The following CDH13 variants were observed in gnomAD, a reference collection of about 807,000 sequenced individuals.
CDH13 encodes cadherin 13.
Under a neutral mutation model 63.8 loss-of-function variants are expected in CDH13, and 24 were observed. That is an observed-to-expected ratio of 0.38 (90% CI 0.27 to 0.53). CDH13 has a LOEUF of 0.53. Among genes scored for constraint, CDH13 ranks in the 20% least tolerant of loss-of-function variants. CDH13 has a pLI of 0.85. For missense variants in CDH13, 1,049 were observed against 903.1 expected (o/e 1.16, Z -2.07); for synonymous variants, 503 against 355.3 (o/e 1.42, Z -4.67).
chr16:83,122,837 G>T (rs1480774819), intron 3 of CDH13, among the ~76,000 whole-genome samples: 4 of 152,242 alleles, frequency 2.6e-5, no homozygotes, highest in African/African-American at 9.6e-5. Flanking sequence ...TGCACACACT[G>T]TGTAGTGGGA....
intron 6 of CDH13, among the ~76,000 whole-genome samples, chr16:83,388,446 GTC>G (rs2091721433): frequency 1.3e-5 from 2 of 152,032 alleles, no homozygotes; most frequent in South Asian, 4.2e-4. Flanking sequence ...GTAAGATCCT[GTC>G]TCAAAAAAAT....
At chr16:82,852,583 A>G (rs2151155748) in intron 1 of CDH13, among the ~76,000 whole-genome samples, 1 of 152,342 alleles carries the variant, frequency 6.6e-6, no homozygotes, top group East Asian at 1.9e-4. Flanking sequence ...ATGGAGCAGC[A>G]GCACCATGTC....
intron 2 of CDH13, among the ~76,000 whole-genome samples, chr16:82,973,783 C>T (rs1462440978): frequency 2.0e-5 from 3 of 152,166 alleles, no homozygotes; most frequent in African/African-American, 4.8e-5. Context: ...CAACAAGGTG[C>T]ACAAATATGT....
At chr16:82,768,812 T>TA (rs745657807) in intron 1 of CDH13, among the ~76,000 whole-genome samples, 195 of 152,316 alleles carry the variant, frequency 1.3e-3, no homozygotes, top group Non-Finnish European at 2.0e-3. Flanking sequence ...GGTTAATACT[T>TA]ACTCTGATTC....
At chr16:83,178,552 A>C (rs111406256) in intron 4 of CDH13, among the ~76,000 whole-genome samples, 1,990 of 152,342 alleles carry the variant, frequency 0.013, 35 homozygotes, top group African/African-American at 0.044. Context: ...TATTTGGATC[A>C]GTGGGCCATT....
intron 5 of CDH13, among the ~76,000 whole-genome samples, chr16:83,243,841 G>C (rs1290671041): frequency 6.6e-6 from 1 of 152,122 alleles, no homozygotes; most frequent in African/African-American, 2.4e-5. Context: ...TTACTGGAAT[G>C]GGCAACCTAT....
intron 1 of CDH13, among the ~76,000 whole-genome samples, chr16:82,658,207 T>A (rs547486982): frequency 1.0e-3 from 158 of 152,354 alleles, no homozygotes; most frequent in African/African-American, 3.7e-3. Flanking sequence ...CTGGTCATCA[T>A]CCCAGGCTTA....
chr16:82,802,008 C>T (rs760668799), intron 1 of CDH13, among the ~76,000 whole-genome samples: 30 of 152,118 alleles, frequency 2.0e-4, no homozygotes, highest in Non-Finnish European at 4.1e-4. Context: ...CCTCCATGGG[C>T]GGGTGGGGCT....
intron 1 of CDH13, among the ~76,000 whole-genome samples, chr16:82,854,877 A>G (rs114109858): frequency 6.6e-6 from 1 of 152,184 alleles, no homozygotes; most frequent in East Asian, 1.9e-4. Context: ...TTTAACAATT[A>G]TTGACTCCTT....
At chr16:82,746,189 G>C (rs373599216) in intron 1 of CDH13, among the ~76,000 whole-genome samples, 2 of 112,058 alleles carry the variant, frequency 1.8e-5, no homozygotes, top group Admixed American at 8.2e-5. Context: ...TGCATGGTGT[G>C]TGTGTGTTTA....
chr16:83,520,323 G>T (rs1425651008), intron 7 of CDH13, among the ~76,000 whole-genome samples: 1 of 152,142 alleles, frequency 6.6e-6, no homozygotes, highest in Non-Finnish European at 1.5e-5. Context: ...AAAACAAAAA[G>T]GATTTATGGT....
At chr16:83,170,370 G>A (rs1161273704) in intron 4 of CDH13, among the ~76,000 whole-genome samples, 1 of 152,112 alleles carries the variant, frequency 6.6e-6, no homozygotes, top group Non-Finnish European at 1.5e-5. Flanking sequence ...AGATCAGGGT[G>A]TTTAGGAGTG....
chr16:82,975,320 C>G (rs1328658141), intron 2 of CDH13, among the ~76,000 whole-genome samples: 1 of 152,152 alleles, frequency 6.6e-6, no homozygotes, highest in African/African-American at 2.4e-5. Flanking sequence ...TGTGAGGACA[C>G]AGGGCTGTGT....
intron 1 of CDH13, among the ~76,000 whole-genome samples, chr16:82,663,440 C>T (rs35859010): frequency 0.21 from 31,713 of 152,012 alleles, 3,778 homozygotes; most frequent in East Asian, 0.35. Flanking sequence ...ACGCCTCGGC[C>T]TCCCAAAATG....
chr16:83,151,735 C>T (rs114670571), intron 4 of CDH13, among the ~76,000 whole-genome samples: 2 of 152,154 alleles, frequency 1.3e-5, no homozygotes, highest in African/African-American at 2.4e-5. Context: ...GAGGCAGAGG[C>T]GAGCAGATCA....
At chr16:83,755,176 G>C (rs1913403022) in intron 11 of CDH13, among the ~76,000 whole-genome samples, 1 of 152,124 alleles carries the variant, frequency 6.6e-6, no homozygotes, top group Non-Finnish European at 1.5e-5. Flanking sequence ...AGATATTCCA[G>C]AACTGAAATA....
At chr16:83,096,952 C>T (rs949265564) in intron 3 of CDH13, among the ~76,000 whole-genome samples, 16 of 151,956 alleles carry the variant, frequency 1.1e-4, no homozygotes, top group African/African-American at 2.7e-4. Context: ...TTTCTGAGCA[C>T]GGTTGAAAAT....
At chr16:83,751,982 A>G (rs1484852417) in intron 11 of CDH13, among the ~76,000 whole-genome samples, 1 of 152,284 alleles carries the variant, frequency 6.6e-6, no homozygotes, top group Non-Finnish European at 1.5e-5. Flanking sequence ...GCGACTTATC[A>G]GAACAGAAAA....
intron 7 of CDH13, among the ~76,000 whole-genome samples, chr16:83,512,321 AAAATAAATAAATAAATAAATAAATAAAT>A (rs200161148): frequency 7.9e-6 from 1 of 126,854 alleles, no homozygotes; most frequent in African/African-American, 3.1e-5. Flanking sequence ...ACTCCGTCTC[AAAATAAATAAATAAATAAATAAATAAAT>A]AAATAAATAA....
Sources: allele counts gnomAD v4.1 joint callset (sites outside exome capture counted in the v4.1 genomes callset), GRCh38; gene constraint gnomAD v4.1.1; transcripts MANE v1.5; gene names NCBI Gene and HGNC (gene_info 2026-07-23, HGNC 2026-07-21).